ALKBH3: variants seen among roughly 807,000 people sequenced by gnomAD.
ALKBH3 encodes alkB homolog 3, alpha-ketoglutarate dependent dioxygenase.
ALKBH3 carries 51 observed loss-of-function variants against 43.9 expected under a neutral mutation model. The observed-to-expected ratio is 1.16, with a 90% CI of 0.93 to 1.47. The LOEUF (loss-of-function observed/expected upper bound fraction) is 1.47. ALKBH3 is among the 40% of genes most tolerant of loss of function. ALKBH3 has a pLI of 0.00. For synonymous variants in ALKBH3, 102 were observed against 115.2 expected (o/e 0.89, Z 0.73); for missense variants, 361 against 351.9 (o/e 1.03, Z -0.21).
intron 8 of ALKBH3, among the ~76,000 whole-genome samples, chr11:43,908,891 G>A (rs33913339): frequency 0.049 from 7,519 of 152,284 alleles, 446 homozygotes; most frequent in Admixed American, 0.2. Flanking sequence ...CAATTGCCCA[G>A]GCCTCCCAAA....
At position 43,881,023 on chromosome 11, in the gene ALKBH3, A is replaced by G. The variant is rs1319312460; in HGVS notation, c.-227A>G. The G allele has an allele frequency of 1.3e-5, 2 of 152,242 alleles. No individual in the cohort carries two copies. The highest frequency in any genetic ancestry group is 4.8e-5 in the African/African-American group (2 of 41,468). The allele number at this position is 152,242 out of a possible 1,614,324, so 9.4% of individuals were successfully genotyped here. On this transcript the variant is annotated 5_prime_UTR_variant, in exon 1 of 10. Transcript: ENST00000302708. The stretch of plus-strand genomic sequence containing the variant: ...CTTCCTGGGCGACCTCCGGGGCCTC[A>G]TTCTAGGCCTCCTTAAAGAGAAGGA...
At chr11:43,889,471 C>G (rs1439982697) in intron 5 of ALKBH3, among the ~76,000 whole-genome samples, 2 of 152,174 alleles carry the variant, frequency 1.3e-5, no homozygotes, top group African/African-American at 4.8e-5. Context: ...GAATTATGAT[C>G]TATAAAAGCC....
intron 7 of ALKBH3, chr11:43,897,651 C>T (rs556058063): frequency 1.1e-6 from 1 of 901,768 alleles, no homozygotes; most frequent in South Asian, 1.3e-5. Context: ...TGTAGATGCA[C>T]CAAGACTGCT....
At chr11:43,907,235 G>A (rs925799326) in intron 8 of ALKBH3, among the ~76,000 whole-genome samples, 4 of 152,120 alleles carry the variant, frequency 2.6e-5, no homozygotes, top group African/African-American at 9.7e-5. Context: ...GTGTGCGTGT[G>A]TGTGTTTAAG....
At chr11:43,898,578 A>G (rs1951837203) in intron 7 of ALKBH3, 1 of 763,700 alleles carries the variant, frequency 1.3e-6, no homozygotes, top group African/African-American at 1.7e-5. Flanking sequence ...AGAATACAAA[A>G]GTCTTTGTTT....
intron 4 of ALKBH3, among the ~76,000 whole-genome samples, chr11:43,884,636 T>G (rs553882366): frequency 6.6e-6 from 1 of 152,360 alleles, no homozygotes; most frequent in South Asian, 2.1e-4. Flanking sequence ...CTTAGCAAAT[T>G]AGCATCAGAT....
chr11:43,888,315 C>A (rs61883987), intron 5 of ALKBH3, among the ~76,000 whole-genome samples: 2 of 26,692 alleles, frequency 7.5e-5, no homozygotes, highest in Non-Finnish European at 2.4e-4. Context: ...GTTGCCCAGG[C>A]TGGCCTTGAA....
chr11:43,890,516 A>G (rs530117394), intron 6 of ALKBH3, among the ~76,000 whole-genome samples: 1 of 152,278 alleles, frequency 6.6e-6, no homozygotes, highest in East Asian at 1.9e-4. Flanking sequence ...CAGTATCCAC[A>G]GGGGATTGTT....
rs538603310 is a variant in ALKBH3 at position 43,883,966 on chromosome 11, C to G, written c.184-17C>G. ...TTAAGAACATCCCAGAAGTAAGATC[C>G]GCCTATTTCCTTGCAGGTAGTACGT... On this transcript the variant is annotated splice_polypyrimidine_tract_variant and intron_variant, in intron 3 of 9. Coordinates refer to ENST00000302708, the MANE Select transcript of ALKBH3 (RefSeq NM_139178.4). 1.9e-6 allele frequency: 3 copies of G among 1,612,836 alleles called. No homozygotes were observed. The highest frequency in any genetic ancestry group is 1.3e-5 in the African/African-American group (1 of 74,928).
At position 43,900,287 on chromosome 11, in the gene ALKBH3, A is replaced by G. The variant is rs534805674; in HGVS notation, c.460-1229A>G. Among the ~76,000 whole-genome samples, 17 of 126,736 alleles carry G rather than the reference A, an allele frequency of 1.3e-4. No individual in the cohort carries two copies. In the East Asian group the frequency reaches 4.0e-3, roughly 30 times the overall value. 83.1% of individuals were successfully genotyped at this position (126,736 alleles called of 152,430 possible). A position where few individuals can be genotyped will look rare whatever the true frequency, so the allele number is the denominator to read the frequency against. The stretch of plus-strand genomic sequence containing the variant: ...TACCCAGGCTGGAGTGCAGTGGCAC[A>G]GTCTCAGCTCACTGCAGCCTCCGCC... On this transcript the variant is annotated intron_variant, in intron 7 of 9. Transcript: ENST00000302708.
At chr11:43,899,126 C>G in intron 7 of ALKBH3, 2 of 771,450 alleles carry the variant, frequency 2.6e-6, no homozygotes, top group East Asian at 5.0e-5. Flanking sequence ...TCTATCACTC[C>G]AAGAGGTCGC....
At chr11:43,914,945 C>T (rs1951971518) in intron 8 of ALKBH3, among the ~76,000 whole-genome samples, 1 of 151,980 alleles carries the variant, frequency 6.6e-6, no homozygotes, top group Non-Finnish European at 1.5e-5. Context: ...GTGGCTCACA[C>T]CTGTAATCCC....
chr11:43,897,721 G>A (rs909652205), intron 7 of ALKBH3: 12 of 805,176 alleles, frequency 1.5e-5, no homozygotes, highest in African/African-American at 3.4e-5. Context: ...CTGAATTCTC[G>A]GGAACGTACT....
chr11:43,889,993 A>G (rs573616491), intron 6 of ALKBH3, among the ~76,000 whole-genome samples, 165 bp downstream of exon 6: 10 of 152,328 alleles, frequency 6.6e-5, no homozygotes, highest in African/African-American at 2.4e-4. Context: ...AGAGTATTCC[A>G]GGCAGGAGAA....
chr11:43,893,413 GAGTAAAGT>G, intron 7 of ALKBH3, among the ~76,000 whole-genome samples: 1 of 152,190 alleles, frequency 6.6e-6, no homozygotes, highest in Non-Finnish European at 1.5e-5. Flanking sequence ...AGGATCTGCT[GAGTAAAGT>G]AGCCTCTTAT....
intron 8 of ALKBH3, among the ~76,000 whole-genome samples, chr11:43,915,895 G>A (rs2135207515): frequency 6.6e-6 from 1 of 152,238 alleles, no homozygotes; most frequent in South Asian, 2.1e-4. Context: ...TGTGTGATAG[G>A]CACTGAGAAT....
chr11:43,881,436 G>A (rs1951710315), intron 1 of ALKBH3: 1 of 152,236 alleles, frequency 6.6e-6, no homozygotes, highest in Admixed American at 6.5e-5. Context: ...CCCAGTGAAT[G>A]GAGCAAGAAG....
intron 8 of ALKBH3, among the ~76,000 whole-genome samples, chr11:43,916,035 C>A (rs189922184): frequency 6.6e-6 from 1 of 152,130 alleles, no homozygotes; most frequent in Non-Finnish European, 1.5e-5. Context: ...AGAAGGAAAA[C>A]CTGTATGATG....
chr11:43,894,557 AT>A (rs777995275), intron 7 of ALKBH3, among the ~76,000 whole-genome samples: 11 of 152,164 alleles, frequency 7.2e-5, no homozygotes, highest in Non-Finnish European at 1.3e-4. Context: ...CAGAAAAAAA[AT>A]ACCTACTTAG....
Sources: allele counts gnomAD v4.1 joint callset (sites outside exome capture counted in the v4.1 genomes callset), GRCh38; gene constraint gnomAD v4.1.1; transcripts MANE v1.5; gene names NCBI Gene and HGNC (gene_info 2026-07-23, HGNC 2026-07-21).